The following ADAM12 variants were observed in gnomAD, a reference collection of about 807,000 sequenced individuals.
The protein encoded by ADAM12 is ADAM metallopeptidase domain 12.
A neutral mutation model predicts 106.4 loss-of-function variants in ADAM12; 70 were observed. The ratio of observed to expected loss-of-function variants is 0.66; its 90% CI spans 0.54 to 0.80. The LOEUF (loss-of-function observed/expected upper bound fraction) is 0.80, where lower values mean the gene tolerates loss of function less well. Among genes scored for constraint, ADAM12 ranks in the 30% least tolerant of loss-of-function variants. The pLI is 0.00. For synonymous variants in ADAM12, 420 were observed against 433.5 expected (o/e 0.97, Z 0.39); for missense variants, 1,010 against 1,171.9 (o/e 0.86, Z 2.02).
chr10:126,239,543 T>C (rs1284759129), intron 3 of ADAM12, among the ~76,000 whole-genome samples: 2 of 152,160 alleles, frequency 1.3e-5, no homozygotes, highest in African/African-American at 2.4e-5. Flanking sequence ...CTTTCTAAAA[T>C]AAATGGGTAT....
At chr10:126,334,820 G>A (rs1465290743) in intron 1 of ADAM12, among the ~76,000 whole-genome samples, 1 of 152,164 alleles carries the variant, frequency 6.6e-6, no homozygotes, top group Non-Finnish European at 1.5e-5. Flanking sequence ...TTCACAAGAG[G>A]TGGAGACTGA....
In ADAM12 at chr10:126,094,013, C is replaced by G. The variant is rs967824974; in HGVS notation, c.1117G>C (p.Gly373Arg). 5 of 1,614,162 alleles carry G rather than the reference C, an allele frequency of 3.1e-6. No individual in the cohort carries two copies. The highest frequency in any genetic ancestry group is 1.7e-5 in the Admixed American group (1 of 60,026). The change falls in exon 11 of 23, where the codon GGA becomes CGA. Residue 373 changes from glycine (G) to arginine (R), a missense_variant. By Grantham distance (125) the Gly-to-Arg change is moderately radical. Transcript: ENST00000448723. Reference sequence around the variant, plus strand: ...GTGGAAGCGTTCATGATGCAGCCTCCTTTCTCAACCGCCATTTGACAGCTA... The same window carrying G: ...GTGGAAGCGTTCATGATGCAGCCTCGTTTCTCAACCGCCATTTGACAGCTA... ...GCSCQMAVEK[G>R]GCIMNASTGY...
chr10:126,179,002 G>C (rs1957268027), intron 3 of ADAM12, among the ~76,000 whole-genome samples: 1 of 151,878 alleles, frequency 6.6e-6, no homozygotes, highest in South Asian at 2.1e-4. Flanking sequence ...AGCCAAGATT[G>C]TGCCACTGCA....
At chr10:126,357,869 G>C (rs1219608212) in intron 1 of ADAM12, among the ~76,000 whole-genome samples, 1 of 151,970 alleles carries the variant, frequency 6.6e-6, no homozygotes, top group Non-Finnish European at 1.5e-5. Context: ...ATTTGGATAG[G>C]GACACAGCCA....
intron 1 of ADAM12, among the ~76,000 whole-genome samples, chr10:126,370,952 G>T (rs1856092496): frequency 6.6e-6 from 1 of 152,218 alleles, no homozygotes; most frequent in Non-Finnish European, 1.5e-5. Context: ...CATAATTCAT[G>T]TAAAGGGATT....
chr10:126,225,769 A>T (rs1385672210), intron 3 of ADAM12, among the ~76,000 whole-genome samples: 2 of 152,186 alleles, frequency 1.3e-5, no homozygotes, highest in Non-Finnish European at 2.9e-5. Context: ...TAGCTCACAG[A>T]ACTGTGGCTG....
At chr10:126,218,250 A>G (rs1045332033) in intron 3 of ADAM12, among the ~76,000 whole-genome samples, 2 of 152,178 alleles carry the variant, frequency 1.3e-5, no homozygotes, top group African/African-American at 4.8e-5. Flanking sequence ...ACACTATAAT[A>G]CACGTGCCCC....
chr10:126,145,228 G>A (rs1956603428), intron 4 of ADAM12, among the ~76,000 whole-genome samples: 1 of 152,092 alleles, frequency 6.6e-6, no homozygotes, highest in African/African-American at 2.4e-5. Context: ...TTGGGCCTTG[G>A]AGTGATGCAC....
chr10:126,072,149 T>C (rs1016660947), intron 11 of ADAM12, among the ~76,000 whole-genome samples: 1 of 152,162 alleles, frequency 6.6e-6, no homozygotes, highest in African/African-American at 2.4e-5. Context: ...GATGCTGGCA[T>C]TCAGGTCTAT....
intron 5 of ADAM12, among the ~76,000 whole-genome samples, chr10:126,133,975 C>T (rs560323732): frequency 6.6e-6 from 1 of 152,176 alleles, no homozygotes; most frequent in African/African-American, 2.4e-5. Context: ...ATGTATCTTA[C>T]TCTATGTCCA....
chr10:126,235,975 G>A (rs1958407641), intron 3 of ADAM12, among the ~76,000 whole-genome samples: 1 of 152,084 alleles, frequency 6.6e-6, no homozygotes, highest in Admixed American at 6.5e-5. Context: ...GCAGAGGCGA[G>A]GGCAGCCCAG....
At position 126,378,541 on chromosome 10, in the gene ADAM12, A is replaced by G. The variant is rs576028152; in HGVS notation, c.88+9517T>C. On this transcript the variant is annotated intron_variant, in intron 1 of 22. Transcript: ENST00000448723. The stretch of plus-strand genomic sequence containing the variant: ...TACCATTTACTTAACAGTTAAATAC[A>G]TGAAGAGTATCAGATATTGATTAGG... 2.8e-4 allele frequency among the ~76,000 whole-genome samples: 43 copies of G among 152,350 alleles called. No individual in the cohort carries two copies. The Middle Eastern group carries it at 0.01, about 36-fold the overall frequency.
At chr10:126,319,238 C>T (rs1047263610) in intron 2 of ADAM12, among the ~76,000 whole-genome samples, 2 of 152,088 alleles carry the variant, frequency 1.3e-5, no homozygotes, top group Non-Finnish European at 2.9e-5. Flanking sequence ...AGCGTAACTC[C>T]CCACTCCTCA....
intron 2 of ADAM12, among the ~76,000 whole-genome samples, chr10:126,322,165 T>A (rs986047113): frequency 6.6e-6 from 1 of 152,210 alleles, no homozygotes. Context: ...GTAAGTTTTA[T>A]TGGAACATAG....
rs1234691359 is a variant in ADAM12, at chr10:126,049,577, C to G, written c.1702G>C (p.Ala568Pro). 1 of 1,614,176 alleles carries G rather than the reference C, an allele frequency of 6.2e-7. No individual in the cohort carries two copies. ...NCGKVSKSSF[A>P]KCEMRDAKCG... ...ATTCCATACCTCATCTCGCATTTGG[C>G]AAAGGAACTCTTCGAGACTTTGCCA... Residue 568 changes from alanine (A) to proline (P), a missense_variant, in exon 15 of 23, where the codon GCC becomes CCC. Transcript: ENST00000448723. This position sits in a 1 kb window ranked among gnomAD's most constrained non-coding sequence, Gnocchi z 4.4.
chr10:126,180,429 G>C (rs150703505), intron 3 of ADAM12, among the ~76,000 whole-genome samples: 1 of 152,308 alleles, frequency 6.6e-6, no homozygotes, highest in African/African-American at 2.4e-5. Context: ...GTGTGTTCAT[G>C]TGATCTCTGT....
intron 3 of ADAM12, among the ~76,000 whole-genome samples, chr10:126,199,716 T>C (rs1401524040): frequency 6.6e-6 from 1 of 152,206 alleles, no homozygotes; most frequent in Admixed American, 6.5e-5. Context: ...ATGGAATACA[T>C]ATAAAGTTTC....
At chr10:126,190,361 C>A (rs1161673570) in intron 3 of ADAM12, among the ~76,000 whole-genome samples, 1 of 152,026 alleles carries the variant, frequency 6.6e-6, no homozygotes, top group African/African-American at 2.4e-5. Context: ...CTTGCACCAC[C>A]ACACCTGGCT....
rs374270663 is a variant in ADAM12, at chr10:126,036,265, G to C, written c.2410C>G (p.Leu804Val). 48 of 1,559,772 alleles carry C rather than the reference G, an allele frequency of 3.1e-5. No individual in the cohort carries two copies. Among genetic ancestry groups the C allele is most frequent in the Non-Finnish European group, 4.0e-5 (46 of 1,159,454 alleles). The change falls in exon 21 of 23, where the codon CTG becomes GTG. Residue 804 changes from leucine (L) to valine (V), a missense_variant. Leu to Val is a conservative substitution (Grantham distance 32). This residue lies in a region of ADAM12 where 615 missense variants were observed against 708.5 expected (regional missense o/e 0.87). Coordinates refer to ENST00000448723, the MANE Select transcript of ADAM12 (RefSeq NM_001288973.2). ...GTTGACTGGGGCTGAGGGACATTCAGGCCGTTGAGGGGTCTGCTGATGTCA... is the reference window on the plus strand; with the variant it reads ...GTTGACTGGGGCTGAGGGACATTCACGCCGTTGAGGGGTCTGCTGATGTCA... ...NVDISRPLNG[L>V]NVPQPQSTQR...
Sources: allele counts gnomAD v4.1 joint callset (sites outside exome capture counted in the v4.1 genomes callset), GRCh38; gene constraint gnomAD v4.1.1; regional missense constraint gnomAD v4.1.1; non-coding constraint Gnocchi (gnomAD v3.1); transcripts MANE v1.5; gene names NCBI Gene and HGNC (gene_info 2026-07-23, HGNC 2026-07-21).